The following ANKRD6 variants were observed in gnomAD, a reference collection of about 807,000 sequenced individuals.
ANKRD6 encodes the protein ankyrin repeat domain 6.
ANKRD6 carries 56 observed loss-of-function variants against 82.3 expected under a neutral mutation model. The observed-to-expected ratio is 0.68, with a 90% CI of 0.55 to 0.85. The LOEUF (loss-of-function observed/expected upper bound fraction) is 0.85. Among genes scored for constraint, ANKRD6 ranks in the 40% least tolerant of loss-of-function variants. The pLI, the probability that ANKRD6 is intolerant of heterozygous loss-of-function variation, is 0.00. For synonymous variants in ANKRD6, 347 were observed against 352.1 expected (o/e 0.99, Z 0.16); for missense variants, 852 against 907.6 (o/e 0.94, Z 0.79).
At chr6:89,500,998 A>G (rs1376552174) in intron 1 of ANKRD6, among the ~76,000 whole-genome samples, 1 of 142,348 alleles carries the variant, frequency 7.0e-6, no homozygotes, top group Non-Finnish European at 1.5e-5. Context: ...TTTTTCTAGC[A>G]CAGAAAAAAG....
chr6:89,460,366 A>G (rs971099134), intron 1 of ANKRD6, among the ~76,000 whole-genome samples: 3 of 152,110 alleles, frequency 2.0e-5, no homozygotes, highest in Non-Finnish European at 2.9e-5. Context: ...AGCAACTTAG[A>G]TAAGTAACTA....
intron 2 of ANKRD6, among the ~76,000 whole-genome samples, chr6:89,568,512 C>A (rs948973023): frequency 1.3e-5 from 2 of 152,076 alleles, no homozygotes; most frequent in East Asian, 3.8e-4. Flanking sequence ...TAATTTCTAG[C>A]GTATTTATAC....
chr6:89,548,106 TATA>T (rs1191251697), intron 1 of ANKRD6, among the ~76,000 whole-genome samples: 1 of 152,230 alleles, frequency 6.6e-6, no homozygotes, highest in Non-Finnish European at 1.5e-5. Flanking sequence ...GGTTTTCATG[TATA>T]TTCACAAAGA....
rs969932555 is a variant in ANKRD6 at position 89,605,107 on chromosome 6, C to T, written c.319-900C>T. The stretch of plus-strand genomic sequence containing the variant: ...TTCTATTTAAAAGCAACACATTAGG[C>T]CGGGCACGGTGGCTCACGCCTGTAA... On this transcript the variant is annotated intron_variant, in intron 4 of 15. Coordinates refer to ENST00000339746, the MANE Select transcript of ANKRD6 (RefSeq NM_001242809.2). 8.5e-5 allele frequency among the ~76,000 whole-genome samples: 13 copies of T among 152,150 alleles called. 1 individual carries two copies. Among genetic ancestry groups the T allele is most frequent in the Middle Eastern group, 6.8e-3 (2 of 294 alleles).
rs1562555120 is a variant in ANKRD6 at position 89,462,242 on chromosome 6, T to TAAA, written c.-144+28869_-144+28870insAAA. Among the ~76,000 whole-genome samples the TAAA allele has an allele frequency of 7.5e-4, 26 of 34,812 alleles. 1 individual carries two copies. The highest frequency in any genetic ancestry group is 1.8e-3 in the African/African-American group (18 of 9,768). 22.8% of individuals were successfully genotyped at this position (34,812 alleles called of 152,430 possible). A position where few individuals can be genotyped will look rare whatever the true frequency, so the allele number is the denominator to read the frequency against. The stretch of plus-strand genomic sequence containing the variant: ...GTGAGACTCCATCTCAAAATAATAA[T>TAAA]AATAATAATAATAATAATAATAATA... On this transcript the variant is annotated intron_variant, in intron 1 of 15. Transcript: ENST00000339746.
chr6:89,553,781 A>C (rs1583245779), intron 1 of ANKRD6, among the ~76,000 whole-genome samples: 1 of 152,160 alleles, frequency 6.6e-6, no homozygotes, highest in Non-Finnish European at 1.5e-5. Context: ...GCCCATATCA[A>C]GTGCTTCCCC....
At chr6:89,572,875 A>G (rs1790254635) in intron 2 of ANKRD6, among the ~76,000 whole-genome samples, 2 of 152,102 alleles carry the variant, frequency 1.3e-5, no homozygotes, top group African/African-American at 4.8e-5. Flanking sequence ...CACAGGTTTT[A>G]TATATTTTTA....
intron 1 of ANKRD6, among the ~76,000 whole-genome samples, chr6:89,482,461 A>AAAATTG (rs1562603582): frequency 9.2e-5 from 14 of 152,216 alleles, no homozygotes; most frequent in Admixed American, 3.3e-4. Flanking sequence ...TTTCATAGTC[A>AAAATTG]TTTTGTTTCC....
At chr6:89,613,656 T>A in intron 6 of ANKRD6, 136 bp from the exon 7 acceptor site, 1 of 791,062 alleles carries the variant, frequency 1.3e-6, no homozygotes, top group Non-Finnish European at 2.0e-6. Flanking sequence ...GGAGCATCTA[T>A]GTTAAAAGAG....
At chr6:89,562,117 C>G (rs1583291272) in intron 1 of ANKRD6, among the ~76,000 whole-genome samples, 1 of 152,210 alleles carries the variant, frequency 6.6e-6, no homozygotes, top group East Asian at 1.9e-4. Flanking sequence ...AATTAGATTT[C>G]TGTTGCTTCA....
Position 89,595,917 on chromosome 6 carries a change from A to G in ANKRD6, c.122A>G (p.His41Arg), listed in dbSNP as rs538888102. The G allele has an allele frequency of 8.1e-6, 13 of 1,605,808 alleles. No individual in the cohort carries two copies. In the Admixed American group the frequency reaches 1.0e-4, roughly 13 times the overall value. The part of the protein sequence containing the change: ...NKGARVAVTK[H>R]GRTPLHLAAN... ...TCATTGTTCATTTTGCATTCACAGC[A>G]TGGCCGGACTCCCCTGCATCTTGCT... Residue 41 changes from histidine (H) to arginine (R), a missense_variant and splice_region_variant, in exon 3 of 16, where the codon CAT becomes CGT. By Grantham distance (29) the His-to-Arg change is conservative (BLOSUM62 0). Coordinates refer to ENST00000339746, the MANE Select transcript of ANKRD6 (RefSeq NM_001242809.2).
chr6:89,458,699 A>C (rs1385291822), intron 1 of ANKRD6, among the ~76,000 whole-genome samples: 1 of 152,208 alleles, frequency 6.6e-6, no homozygotes, highest in Non-Finnish European at 1.5e-5. Context: ...GTGCCCACCC[A>C]GATTGAGGGT....
chr6:89,518,726 G>T (rs952370925), intron 1 of ANKRD6, among the ~76,000 whole-genome samples: 2 of 152,198 alleles, frequency 1.3e-5, no homozygotes, highest in Non-Finnish European at 2.9e-5. Context: ...GTTGAGAGAG[G>T]TGGCTCCATG....
Position 89,566,854 on chromosome 6 carries a change from A to G in ANKRD6, c.-123A>G. On this transcript the variant is annotated 5_prime_UTR_variant, in exon 2 of 16. Coordinates refer to ENST00000339746, the MANE Select transcript of ANKRD6 (RefSeq NM_001242809.2). Reference sequence around the variant, plus strand: ...CCTAGGTCCCGAAGATGGCATATTCATAAAGACATCTTCTGATGATTGTGA... The same window carrying G: ...CCTAGGTCCCGAAGATGGCATATTCGTAAAGACATCTTCTGATGATTGTGA... The G allele has an allele frequency of 7.3e-7, 1 of 1,370,166 alleles. No homozygotes were observed. Among genetic ancestry groups the G allele is most frequent in the Non-Finnish European group, 9.9e-7 (1 of 1,010,846 alleles). The allele number at this position is 1,370,166 out of a possible 1,614,324, so 84.9% of individuals were successfully genotyped here.
chr6:89,480,253 A>G (rs2074295869), intron 1 of ANKRD6, among the ~76,000 whole-genome samples: 1 of 152,236 alleles, frequency 6.6e-6, no homozygotes, highest in Non-Finnish European at 1.5e-5. Context: ...GTGTCTTTCA[A>G]AATGACTCCT....
chr6:89,623,654 G>A, intron 11 of ANKRD6, 110 bp downstream of exon 11: 1 of 1,449,864 alleles, frequency 6.9e-7, no homozygotes, highest in Non-Finnish European at 9.2e-7. Context: ...TGGCTGGCTG[G>A]TTTGGAGCCA....
intron 13 of ANKRD6, among the ~76,000 whole-genome samples, chr6:89,626,419 A>T (rs979803209): frequency 6.6e-6 from 1 of 152,174 alleles, no homozygotes; most frequent in African/African-American, 2.4e-5. Flanking sequence ...CTGTGAACAA[A>T]GCAATGTATA....
intron 1 of ANKRD6, among the ~76,000 whole-genome samples, chr6:89,474,509 C>T (rs573648893): frequency 4.3e-4 from 66 of 152,318 alleles, no homozygotes; most frequent in African/African-American, 1.5e-3. Flanking sequence ...GCTCCACCTC[C>T]TGGGTTCATG....
At chr6:89,599,963 G>A (rs1000149574) in intron 3 of ANKRD6, among the ~76,000 whole-genome samples, 6 of 152,122 alleles carry the variant, frequency 3.9e-5, no homozygotes, top group African/African-American at 1.4e-4. Context: ...GACGGCTGGA[G>A]GGGGAGCTGT....
Sources: gnomAD v4.1 joint callset for allele counts (sites outside exome capture counted in the v4.1 genomes callset) on GRCh38, gnomAD v4.1.1 for gene constraint, MANE v1.5 for transcripts, NCBI Gene and HGNC (gene_info 2026-07-23, HGNC 2026-07-21) for gene names.